THSD7B: variants seen among roughly 807,000 people sequenced by gnomAD.
THSD7B encodes the protein thrombospondin type-1 domain-containing protein 7B.
In THSD7B, 138 loss-of-function variants were observed where a neutral mutation model predicts 213.6. The ratio of observed to expected loss-of-function variants is 0.65; its 90% CI spans 0.56 to 0.74. The LOEUF is 0.74. Ranked by LOEUF, THSD7B falls within the 30% of genes least tolerant of loss-of-function variation. THSD7B has a pLI of 0.00. For synonymous variants in THSD7B, 742 were observed against 687.0 expected (o/e 1.08, Z -1.25); for missense variants, 1,931 against 1,991.5 (o/e 0.97, Z 0.58).
At chr2:137,669,230 C>T (rs1683513296) in intron 27 of THSD7B, among the ~76,000 whole-genome samples, 1 of 152,154 alleles carries the variant, frequency 6.6e-6, no homozygotes, top group Non-Finnish European at 1.5e-5. Flanking sequence ...CTATTAACCT[C>T]AAGTTCTGTT....
At chr2:137,472,153 A>G (rs1688106908) in intron 15 of THSD7B, among the ~76,000 whole-genome samples, 1 of 152,224 alleles carries the variant, frequency 6.6e-6, no homozygotes, top group Admixed American at 6.5e-5. Flanking sequence ...GCTGCTCATA[A>G]TATTAACTGC....
chr2:137,486,698 C>T (rs1276939385), intron 15 of THSD7B, among the ~76,000 whole-genome samples: 1 of 152,128 alleles, frequency 6.6e-6, no homozygotes, highest in Non-Finnish European at 1.5e-5. Context: ...ACATTTTTGT[C>T]AGCACCACAC....
At chr2:136,843,194 C>T (rs189759425) in intron 1 of THSD7B, among the ~76,000 whole-genome samples, 67 of 147,402 alleles carry the variant, frequency 4.5e-4, no homozygotes, top group Middle Eastern at 3.8e-3. Flanking sequence ...CTTCTATTGT[C>T]GAGGGTAATC....
chr2:136,904,613 T>G (rs529172869), intron 2 of THSD7B, among the ~76,000 whole-genome samples: 1 of 152,188 alleles, frequency 6.6e-6, no homozygotes, highest in Non-Finnish European at 1.5e-5. Context: ...AGGGGCCATC[T>G]TCTTCCATGT....
chr2:137,140,633 C>A (rs531832630), intron 5 of THSD7B, among the ~76,000 whole-genome samples: 1 of 152,068 alleles, frequency 6.6e-6, no homozygotes, highest in East Asian at 1.9e-4. Flanking sequence ...GAATTGAAGT[C>A]TTGCTTTTTG....
At chr2:137,228,036 A>G (rs147663843) in intron 7 of THSD7B, among the ~76,000 whole-genome samples, 241 of 152,286 alleles carry the variant, frequency 1.6e-3, no homozygotes, top group Non-Finnish European at 3.1e-3. Context: ...GACGTTCAAA[A>G]ATGTTAAGTG....
At chr2:137,113,100 G>T (rs1264607502) in intron 4 of THSD7B, among the ~76,000 whole-genome samples, 1 of 152,130 alleles carries the variant, frequency 6.6e-6, no homozygotes, top group Non-Finnish European at 1.5e-5. Context: ...TGACCCCCTT[G>T]TTCAGGCCAG....
intron 3 of THSD7B, among the ~76,000 whole-genome samples, chr2:137,094,497 C>G (rs919990033): frequency 4.0e-5 from 6 of 151,200 alleles, no homozygotes; most frequent in African/African-American, 1.5e-4. Flanking sequence ...TTGCTTGAAT[C>G]TGGGAGGCAG....
chr2:137,064,104 T>C (rs1687331584), intron 3 of THSD7B, among the ~76,000 whole-genome samples: 1 of 152,026 alleles, frequency 6.6e-6, no homozygotes, highest in South Asian at 2.1e-4. Flanking sequence ...TCCATAGTGG[T>C]TGTACTGTGT....
chr2:136,983,332 A>AACACACACACACAC (rs113710126), intron 2 of THSD7B, among the ~76,000 whole-genome samples: 1 of 27,590 alleles, frequency 3.6e-5, no homozygotes, highest in Admixed American at 4.7e-4. Context: ...TTGTTGCTTC[A>AACACACACACACAC]ACACACACAC....
At chr2:137,307,119 A>G (rs997215987) in intron 12 of THSD7B, among the ~76,000 whole-genome samples, 1 of 152,174 alleles carries the variant, frequency 6.6e-6, no homozygotes, top group African/African-American at 2.4e-5. Flanking sequence ...CAGCAGCTTT[A>G]TAAAATAGGT....
intron 14 of THSD7B, among the ~76,000 whole-genome samples, chr2:137,415,756 C>T (rs1686785344): frequency 6.8e-6 from 1 of 146,484 alleles, no homozygotes. Flanking sequence ...CCTGGCCCTG[C>T]CTTCATCTCT....
chr2:137,046,315 T>C (rs990037240), intron 2 of THSD7B, among the ~76,000 whole-genome samples: 1 of 152,174 alleles, frequency 6.6e-6, no homozygotes, highest in African/African-American at 2.4e-5. Flanking sequence ...GTGAATGCTT[T>C]GTAGGAGAAT....
chr2:137,434,618 A>G (rs1435509032), intron 14 of THSD7B, among the ~76,000 whole-genome samples: 3 of 152,206 alleles, frequency 2.0e-5, no homozygotes, highest in African/African-American at 4.8e-5. Flanking sequence ...GCACTCAGGC[A>G]TGACAATGTG....
chr2:137,166,871 G>A lies in THSD7B; in HGVS notation c.1526-3870G>A, dbSNP rs138657539. Among the ~76,000 whole-genome samples the A allele has an allele frequency of 4.3e-3, 648 of 152,226 alleles. 2 individuals carry two copies. Among genetic ancestry groups the A allele is most frequent in the African/African-American group, 0.015 (633 of 41,530 alleles). ...CTGTGTCTATGTGTTTGGGGTGGGTGGGGCGTTCTGTTAACTTCTCATTCT... is the reference window on the plus strand; with the variant it reads ...CTGTGTCTATGTGTTTGGGGTGGGTAGGGCGTTCTGTTAACTTCTCATTCT... On this transcript the variant is annotated intron_variant, in intron 6 of 27. Transcript: ENST00000409968.
At chr2:137,597,156 G>C (rs1681977057) in intron 17 of THSD7B, among the ~76,000 whole-genome samples, 1 of 151,974 alleles carries the variant, frequency 6.6e-6, no homozygotes, top group South Asian at 2.1e-4. Context: ...AATTACTGTT[G>C]CCATGGACGA....
At chr2:137,659,889 C>T (rs776729912) in intron 25 of THSD7B, 143 bp downstream of exon 25, 1 of 639,362 alleles carries the variant, frequency 1.6e-6, no homozygotes, top group South Asian at 2.9e-5. Context: ...AGGAGTAATC[C>T]CAGTTATAAA....
chr2:137,451,119 C>T (rs1048189296), intron 15 of THSD7B, 96 bp downstream of exon 15: 1 of 1,273,974 alleles, frequency 7.8e-7, no homozygotes, highest in African/African-American at 1.5e-5. Flanking sequence ...ACAAGGAGCT[C>T]ATTAAAAGTT....
chr2:137,663,555 C>A lies in THSD7B; in HGVS notation c.4631C>A (p.Ser1544Tyr). ...ATACATGATATTTTTAAAGGATGGT[C>A]TCTTCAACCACTTGATCCAGGTGAG... ...SKIHDIFKGW[S>Y]LQPLDPDGRV... is the part of the protein sequence containing the mutation. Residue 1544 changes from serine to tyrosine, a missense_variant, in exon 26 of 28, where the codon TCT becomes TAT. Transcript: ENST00000409968. The A allele has an allele frequency of 6.2e-7, 1 of 1,607,720 alleles. No homozygotes were observed.
Sources: gnomAD v4.1 joint callset for allele counts (sites outside exome capture counted in the v4.1 genomes callset) on GRCh38, gnomAD v4.1.1 for gene constraint, MANE v1.5 for transcripts, NCBI Gene and HGNC (gene_info 2026-07-23, HGNC 2026-07-21) for gene names.